The following GCNT4 variants were observed in gnomAD, a reference collection of about 807,000 sequenced individuals.
The protein encoded by GCNT4 is beta-1,3-galactosyl-O-glycosyl-glycoprotein beta-1,6-N-acetylglucosaminyltransferase 4.
GCNT4 carries 17 observed loss-of-function variants against 31.3 expected under a neutral mutation model. The ratio of observed to expected loss-of-function variants is 0.54; its 90% CI spans 0.37 to 0.81. GCNT4 has a LOEUF of 0.81. GCNT4 is among the 40% of genes least tolerant of loss of function. The pLI, the probability that GCNT4 is intolerant of heterozygous loss-of-function variation, is 0.00. For synonymous variants in GCNT4, 158 were observed against 190.6 expected, an observed-to-expected ratio of 0.83 and a Z score of 1.41; for missense variants, 503 against 525.5, an observed-to-expected ratio of 0.96 and a Z score of 0.42.
In GCNT4 at chr5:75,029,704, T is replaced by C. The variant is rs1382834660; in HGVS notation, c.334A>G (p.Ile112Val). The change falls in exon 4 of 4, where the codon ATT (isoleucine) becomes GTT (valine). Residue 112 changes from isoleucine to valine, a missense_variant. Physicochemically the swap from Ile to Val is conservative, Grantham distance 29. Coordinates refer to ENST00000652361, the MANE Select transcript of GCNT4 (RefSeq NM_001366737.1). ...GCATAACCTCTTAGAGTCTGATAAA[T>C]GTCACAATCACTGGTCATTGCCACA... is the stretch of plus-strand genomic sequence containing the variant. ...DVVAMTSDCDIYQTLRGYAQK... is the reference protein window; with the variant it reads ...DVVAMTSDCDVYQTLRGYAQK... 1.2e-6 allele frequency: 2 copies of C among 1,614,162 alleles called. No homozygotes were observed. Among genetic ancestry groups the C allele is most frequent in the Admixed American group, 1.7e-5 (1 of 60,022 alleles).
chr5:75,031,373 A>T (rs1381263647), intron 3 of GCNT4, among the ~76,000 whole-genome samples: 1 of 152,186 alleles, frequency 6.6e-6, no homozygotes, highest in African/African-American at 2.4e-5. Context: ...CCCTCAGCCT[A>T]AACTTTTTCT....
intron 2 of GCNT4, among the ~76,000 whole-genome samples, chr5:75,048,468 G>A (rs1362511582): frequency 6.6e-6 from 1 of 152,194 alleles, no homozygotes; most frequent in African/African-American, 2.4e-5. Flanking sequence ...CTAGAGGACA[G>A]TTCAGTGTTT....
rs1742936843 is a variant in GCNT4 at position 75,025,870 on chromosome 5, TTCTGG to T, written c.*2801_*2805del. 1 of 152,204 alleles carries T rather than the reference TTCTGG, an allele frequency of 6.6e-6. No individual in the cohort carries two copies. Among genetic ancestry groups the T allele is most frequent in the African/African-American group, 2.4e-5 (1 of 41,448 alleles). The allele number at this position is 152,204 out of a possible 1,614,324, so 9.4% of individuals were successfully genotyped here. A position where few individuals can be genotyped will look rare whatever the true frequency, so the allele number is the denominator to read the frequency against. On this transcript the variant is annotated 3_prime_UTR_variant, in exon 4 of 4. Transcript: ENST00000652361. ...CACATACAGTTTAGAAACTCTAAGG[TTCTGG>T]TCTGATCTCTGAATAACTTAAAGTC...
At chr5:75,025,254 C>T (rs898214589), downstream of GCNT4, 4 of 152,174 alleles carry the variant, frequency 2.6e-5, no homozygotes, top group Non-Finnish European at 5.9e-5. Context: ...ATAAACTCTG[C>T]TCTTTAAATA....
upstream of GCNT4, among the ~76,000 whole-genome samples, chr5:75,053,268 G>C (rs1743629616): frequency 6.6e-6 from 1 of 151,934 alleles, no homozygotes; most frequent in Non-Finnish European, 1.5e-5. Context: ...CGCGCGCTCT[G>C]GTGGCCCCGG....
chr5:75,044,244 T>C (rs897588080), intron 3 of GCNT4, among the ~76,000 whole-genome samples: 8 of 152,084 alleles, frequency 5.3e-5, no homozygotes, highest in Admixed American at 1.3e-4. Flanking sequence ...ACAAGTACCA[T>C]GTTGAATAGT....
rs907473302 is a variant in GCNT4 at position 75,028,496 on chromosome 5, C to G, written c.*180G>C. Reference sequence around the variant, plus strand: ...AAGCAAAAACAAATATTAAAAAAACCTAGCCAACTGCAGGCTAATAACATC... The same window carrying G: ...AAGCAAAAACAAATATTAAAAAAACGTAGCCAACTGCAGGCTAATAACATC... On this transcript the variant is annotated 3_prime_UTR_variant, in exon 4 of 4. Transcript: ENST00000652361. 1.2e-5 allele frequency: 7 copies of G among 576,360 alleles called. No individual in the cohort carries two copies. The highest frequency in any genetic ancestry group is 9.6e-5 in the African/African-American group (5 of 52,330). 35.7% of individuals were successfully genotyped at this position (576,360 alleles called of 1,614,324 possible). A position where few individuals can be genotyped will look rare whatever the true frequency, so the allele number is the denominator to read the frequency against.
At chr5:75,039,017 C>G (rs1743260238) in intron 3 of GCNT4, among the ~76,000 whole-genome samples, 1 of 152,170 alleles carries the variant, frequency 6.6e-6, no homozygotes, top group South Asian at 2.1e-4. Context: ...ACATACCTGT[C>G]CCTTCCTAAT....
At chr5:75,020,760 C>A (rs532229824), downstream of GCNT4, among the ~76,000 whole-genome samples, 5 of 152,164 alleles carry the variant, frequency 3.3e-5, no homozygotes, top group South Asian at 8.3e-4. Context: ...ACAAAAACAG[C>A]AGTTTCATAT....
At chr5:75,046,189 A>T (rs759086091) in intron 3 of GCNT4, among the ~76,000 whole-genome samples, 1 of 152,024 alleles carries the variant, frequency 6.6e-6, no homozygotes, top group Non-Finnish European at 1.5e-5. Context: ...ATCTGCCATT[A>T]TGTCTCTCTG....
In GCNT4 at chr5:75,026,647, C is replaced by CAAAAAAAAAAAAAAA. The variant is rs547466422; in HGVS notation, c.*2014_*2028dup. 2 of 65,806 alleles carry CAAAAAAAAAAAAAAA rather than the reference C, an allele frequency of 3.0e-5. No homozygotes were observed. Among genetic ancestry groups the CAAAAAAAAAAAAAAA allele is most frequent in the Non-Finnish European group, 5.9e-5 (2 of 33,794 alleles). 4.1% of individuals were successfully genotyped at this position (65,806 alleles called of 1,614,324 possible). On this transcript the variant is annotated 3_prime_UTR_variant, in exon 4 of 4. Transcript: ENST00000652361. ...CATATACTATTTCAATCGATTCTCA[C>CAAAAAAAAAAAAAAA]AAAAAAAAAAAAAAAAAAAAAAAAA...
At chr5:75,038,866 T>C (rs188588929) in intron 3 of GCNT4, among the ~76,000 whole-genome samples, 57 of 152,256 alleles carry the variant, frequency 3.7e-4, no homozygotes, top group African/African-American at 1.3e-3. Context: ...TATCAAGGGA[T>C]TGGACAGAGG....
chr5:75,040,264 C>T lies in GCNT4; in HGVS notation c.-2+7633G>A, dbSNP rs191623916. The stretch of plus-strand genomic sequence containing the variant: ...CGCCAACTCAGCTCACTGCAACCTC[C>T]GCCTCCCAGATTAACCCTTCTTAAA... On this transcript the variant is annotated intron_variant, in intron 3 of 3. Coordinates refer to ENST00000652361, the MANE Select transcript of GCNT4 (RefSeq NM_001366737.1). Among the ~76,000 whole-genome samples, 3 of 152,008 alleles carry T rather than the reference C, an allele frequency of 2.0e-5. No individual in the cohort carries two copies. In the East Asian group the frequency reaches 5.8e-4, roughly 29 times the overall value.
chr5:75,049,110 G>C (rs752717125), intron 2 of GCNT4, among the ~76,000 whole-genome samples: 36 of 146,602 alleles, frequency 2.5e-4, no homozygotes, highest in Non-Finnish European at 4.8e-4. Flanking sequence ...GAATTTACTG[G>C]TTTTGAAGCC....
At chr5:75,018,347 T>C in the GCNT4 span, among the ~76,000 whole-genome samples, 3 of 152,308 alleles carry the variant, frequency 2.0e-5, no homozygotes, top group Middle Eastern at 0.01. Flanking sequence ...AGTGGCATGA[T>C]CTCGGCTCAC....
intron 3 of GCNT4, among the ~76,000 whole-genome samples, chr5:75,034,362 A>T (rs1743152236): frequency 6.6e-6 from 1 of 152,314 alleles, no homozygotes. Flanking sequence ...GTGGGCTGGT[A>T]GAGGCCCCGG....
intron 3 of GCNT4, 94 bp from the exon 4 acceptor site, chr5:75,030,132 C>G: frequency 9.0e-7 from 1 of 1,109,734 alleles, no homozygotes; most frequent in Non-Finnish European, 1.3e-6. Flanking sequence ...ACATACTAGG[C>G]AAATGCTGCC....
upstream of GCNT4, chr5:75,052,879 G>T (rs983430011): frequency 1.3e-5 from 2 of 152,468 alleles, no homozygotes; most frequent in Non-Finnish European, 2.9e-5. Context: ...GCCTCGCAGC[G>T]GCGCGGGCCA....
chr5:75,046,235 T>A (rs1313738582), intron 3 of GCNT4, among the ~76,000 whole-genome samples: 1 of 152,182 alleles, frequency 6.6e-6, no homozygotes, highest in Non-Finnish European at 1.5e-5. Flanking sequence ...GGAGGGTTGC[T>A]GGAAAGGCTA....
Sources: allele counts gnomAD v4.1 joint callset (sites outside exome capture counted in the v4.1 genomes callset), GRCh38; gene constraint gnomAD v4.1.1; transcripts MANE v1.5; gene names NCBI Gene and HGNC (gene_info 2026-07-23, HGNC 2026-07-21).